Variants in APBB1IP observed in about 807,000 individuals in gnomAD.
APBB1IP encodes amyloid beta precursor protein binding family B member 1 interacting protein.
In APBB1IP, 27 loss-of-function variants were observed where a neutral mutation model predicts 64.9. That is an observed-to-expected ratio of 0.42 (90% CI 0.31 to 0.57). APBB1IP has a LOEUF of 0.57. Among genes scored for constraint, APBB1IP ranks in the 20% least tolerant of loss-of-function variants. The probability of loss-of-function intolerance (pLI) is 0.20; values close to 1 mark genes in which losing one functional copy is unlikely to be tolerated. For missense variants in APBB1IP, 812 were observed against 845.5 expected (o/e 0.96, Z 0.49); for synonymous variants, 392 against 331.0 (o/e 1.18, Z -2.00).
At chr10:26,447,526 T>C (rs1490255367) in intron 2 of APBB1IP, among the ~76,000 whole-genome samples, 1 of 152,036 alleles carries the variant, frequency 6.6e-6, no homozygotes. Context: ...TAATGTAACA[T>C]AGAATGAGTA....
At chr10:26,504,996 G>T (rs1014046418) in intron 6 of APBB1IP, among the ~76,000 whole-genome samples, 1 of 151,976 alleles carries the variant, frequency 6.6e-6, no homozygotes, top group Admixed American at 6.6e-5. Flanking sequence ...GCTCAAGCGC[G>T]CCACCCATCT....
intron 11 of APBB1IP, among the ~76,000 whole-genome samples, chr10:26,543,915 C>A (rs1315489602): frequency 6.6e-6 from 1 of 152,220 alleles, no homozygotes; most frequent in Non-Finnish European, 1.5e-5. Flanking sequence ...AGATGGGGAG[C>A]ATGCCCTGCC....
At chr10:26,492,299 C>T in intron 2 of APBB1IP, 28 bp from the exon 3 acceptor site, 1 of 1,602,448 alleles carries the variant, frequency 6.2e-7, no homozygotes, top group Non-Finnish European at 8.5e-7. Flanking sequence ...TATGAGACTG[C>T]TAATATCTCA....
chr10:26,547,200 T>A (rs1836776879), intron 11 of APBB1IP, among the ~76,000 whole-genome samples: 1 of 152,220 alleles, frequency 6.6e-6, no homozygotes, highest in South Asian at 2.1e-4. Flanking sequence ...TCTTCTGTGG[T>A]GAAATATCTA....
rs114780197 is a variant in APBB1IP at position 26,517,652 on chromosome 10, C to T, written c.813+3992C>T. ...AGAGACAGGCTCTCACCATGTTGCC[C>T]GGGTTGGTTTTGTTTAGCTTTGCTT... On this transcript the variant is annotated intron_variant, in intron 8 of 14. Coordinates refer to ENST00000376236, the MANE Select transcript of APBB1IP (RefSeq NM_019043.4). Among the ~76,000 whole-genome samples, 562 of 152,296 alleles carry T rather than the reference C, an allele frequency of 3.7e-3. 1 individual carries two copies. Among genetic ancestry groups the T allele is most frequent in the African/African-American group, 0.013 (537 of 41,568 alleles).
At chr10:26,479,592 GA>G (rs745710126) in intron 2 of APBB1IP, among the ~76,000 whole-genome samples, 13 of 150,790 alleles carry the variant, frequency 8.6e-5, no homozygotes, top group Admixed American at 6.0e-4. Flanking sequence ...GCAAACATTT[GA>G]AAAAAAACAA....
At chr10:26,536,331 T>G in intron 10 of APBB1IP, 114 bp downstream of exon 10, 1 of 1,166,654 alleles carries the variant, frequency 8.6e-7, no homozygotes, top group Non-Finnish European at 1.2e-6. Context: ...GATTCCATAA[T>G]CCTGCAACAT....
chr10:26,535,463 A>C (rs1374096625), intron 9 of APBB1IP, among the ~76,000 whole-genome samples: 1 of 152,178 alleles, frequency 6.6e-6, no homozygotes, highest in Non-Finnish European at 1.5e-5. Context: ...CAAACAATCC[A>C]ATTACACTCT....
intron 8 of APBB1IP, among the ~76,000 whole-genome samples, chr10:26,521,376 G>A (rs932095458): frequency 1.3e-5 from 2 of 152,208 alleles, no homozygotes; most frequent in African/African-American, 4.8e-5. Context: ...GGACCCAGAG[G>A]CATCTCATTG....
intron 11 of APBB1IP, among the ~76,000 whole-genome samples, chr10:26,558,615 T>TAAAA (rs535098612): frequency 1.4e-4 from 19 of 131,248 alleles, no homozygotes; most frequent in Non-Finnish European, 1.8e-4. Context: ...AGTGTTTCTT[T>TAAAA]AAAAAAAAAA....
chr10:26,535,275 C>A (rs1836606355), intron 9 of APBB1IP, among the ~76,000 whole-genome samples: 2 of 151,874 alleles, frequency 1.3e-5, no homozygotes, highest in Admixed American at 1.3e-4. Context: ...GAAAACTATC[C>A]CAATAATAAA....
intron 2 of APBB1IP, among the ~76,000 whole-genome samples, chr10:26,486,114 T>G (rs1260504301): frequency 6.6e-6 from 1 of 151,936 alleles, no homozygotes; most frequent in East Asian, 1.9e-4. Context: ...AATTAAAAAA[T>G]AAAAGGCCCC....
At chr10:26,508,865 T>A (rs1484839072) in intron 6 of APBB1IP, among the ~76,000 whole-genome samples, 3 of 152,222 alleles carry the variant, frequency 2.0e-5, no homozygotes, top group African/African-American at 7.2e-5. Context: ...TTATGTGGTT[T>A]AGTATTTTTT....
At chr10:26,445,029 T>C (rs7072469) in intron 2 of APBB1IP, among the ~76,000 whole-genome samples, 58,187 of 147,348 alleles carry the variant, frequency 0.39, 11,533 homozygotes, top group South Asian at 0.5. Context: ...ACCCAGGAGG[T>C]GGAGATTTCA....
At position 26,567,539 on chromosome 10, in the gene APBB1IP, G is replaced by T. The variant is rs370517723; in HGVS notation, c.*51G>T. Reference sequence around the variant, plus strand: ...GGGAGAAGCATCGCTGACCCCGAGCGCAGGTTTTGCTAGCAGATTGCCCTG... The same window carrying T: ...GGGAGAAGCATCGCTGACCCCGAGCTCAGGTTTTGCTAGCAGATTGCCCTG... On this transcript the variant is annotated 3_prime_UTR_variant, in exon 15 of 15. Coordinates refer to ENST00000376236, the MANE Select transcript of APBB1IP (RefSeq NM_019043.4). 4.3e-5 allele frequency: 65 copies of T among 1,511,576 alleles called. No individual in the cohort carries two copies. Among genetic ancestry groups the T allele is most frequent in the Non-Finnish European group, 2.4e-5 (27 of 1,113,884 alleles). The allele number at this position is 1,511,576 out of a possible 1,614,324, so 93.6% of individuals were successfully genotyped here. A position where few individuals can be genotyped will look rare whatever the true frequency, so the allele number is the denominator to read the frequency against.
intron 14 of APBB1IP, among the ~76,000 whole-genome samples, chr10:26,565,987 T>C (rs1281516533): frequency 6.6e-6 from 1 of 152,230 alleles, no homozygotes; most frequent in Non-Finnish European, 1.5e-5. Context: ...TTTTTAAAAC[T>C]ACATGATTGC....
intron 2 of APBB1IP, among the ~76,000 whole-genome samples, chr10:26,463,873 T>C (rs1489849228): frequency 6.6e-6 from 1 of 152,160 alleles, no homozygotes; most frequent in Non-Finnish European, 1.5e-5. Flanking sequence ...TAGGTATTTG[T>C]CCTAATGTTC....
At chr10:26,539,236 C>A (rs1462538528) in intron 10 of APBB1IP, among the ~76,000 whole-genome samples, 1 of 151,798 alleles carries the variant, frequency 6.6e-6, no homozygotes, top group Non-Finnish European at 1.5e-5. Context: ...CATAGGGAGA[C>A]CCTGTCTGTA....
intron 6 of APBB1IP, chr10:26,509,553 C>G (rs1049945944): frequency 6.6e-6 from 1 of 152,190 alleles, no homozygotes; most frequent in Non-Finnish European, 1.5e-5. Context: ...CACTCTTCAA[C>G]CTGTTAACTA....
Sources: allele counts gnomAD v4.1 joint callset (sites outside exome capture counted in the v4.1 genomes callset), GRCh38; gene constraint gnomAD v4.1.1; transcripts MANE v1.5; gene names NCBI Gene and HGNC (gene_info 2026-07-23, HGNC 2026-07-21).